Variants in ZNF391 observed in about 807,000 individuals in gnomAD.
The protein encoded by ZNF391 is zinc finger protein 391.
For missense variants in ZNF391, 375 were observed against 425.5 expected (o/e 0.88, Z 1.04); for synonymous variants, 126 against 142.1 (o/e 0.89, Z 0.80).
upstream of ZNF391, among the ~76,000 whole-genome samples, chr6:27,387,233 G>C (rs865970960): frequency 6.6e-6 from 1 of 152,206 alleles, no homozygotes; most frequent in Non-Finnish European, 1.5e-5. Context: ...TGGAGAACTA[G>C]AACCCTCCTG....
intron 1 of ZNF391, among the ~76,000 whole-genome samples, chr6:27,383,176 G>C (rs79968092): frequency 6.6e-6 from 1 of 151,450 alleles, no homozygotes; most frequent in South Asian, 2.1e-4. Flanking sequence ...TGAAAAAAGA[G>C]AATATTTAAG....
intron 1 of ZNF391, among the ~76,000 whole-genome samples, chr6:27,392,985 ACTACTTC>A: frequency 1.4e-5 from 1 of 71,256 alleles, no homozygotes; most frequent in Admixed American, 1.5e-4. Flanking sequence ...ATTTCTGGAG[ACTACTTC>A]CAAGTTAGAT....
In ZNF391 at chr6:27,400,944, C is replaced by T; in HGVS notation, c.574C>T (p.Pro192Ser). Residue 192 changes from proline (P) to serine (S), a missense_variant, in exon 3 of 3, where the codon CCA becomes TCA. Transcript: ENST00000244576. ...TCAGAGAATCCATACTGGAGAAAAA[C>T]CATATGAATGTAGTGAATGTGGAAA... ...LHQRIHTGEK[P>S]YECSECGKAF... 1 of 1,614,142 alleles carries T rather than the reference C, an allele frequency of 6.2e-7. No homozygotes were observed. Among genetic ancestry groups the T allele is most frequent in the Non-Finnish European group, 8.5e-7 (1 of 1,180,018 alleles).
chr6:27,377,080 T>A (rs1428572828), intron 1 of ZNF391, among the ~76,000 whole-genome samples: 1 of 152,038 alleles, frequency 6.6e-6, no homozygotes, highest in Non-Finnish European at 1.5e-5. Flanking sequence ...GAACTGAGAA[T>A]TAAGTACCTA....
upstream of ZNF391, among the ~76,000 whole-genome samples, chr6:27,387,664 A>T (rs192032777): frequency 2.1e-3 from 314 of 152,352 alleles, 2 homozygotes; most frequent in African/African-American, 7.1e-3. Flanking sequence ...TATTTTACTT[A>T]TATGGCATAT....
intron 1 of ZNF391, among the ~76,000 whole-genome samples, chr6:27,379,033 T>C (rs1474949814): frequency 1.3e-5 from 2 of 152,226 alleles, no homozygotes; most frequent in African/African-American, 4.8e-5. Flanking sequence ...GCTCTTGGTA[T>C]TTGTAACAAC....
chr6:27,380,151 G>A (rs1156888504), intron 1 of ZNF391, among the ~76,000 whole-genome samples: 1 of 152,248 alleles, frequency 6.6e-6, no homozygotes, highest in East Asian at 1.9e-4. Flanking sequence ...TAGTCAGGTA[G>A]AGTGATATGT....
At chr6:27,381,354 C>T (rs1490332944) in intron 1 of ZNF391, among the ~76,000 whole-genome samples, 3 of 152,186 alleles carry the variant, frequency 2.0e-5, no homozygotes, top group Non-Finnish European at 2.9e-5. Context: ...GCTCCGAGTG[C>T]GGGGCCCACC....
At chr6:27,392,699 G>T (rs1283228965) in intron 1 of ZNF391, among the ~76,000 whole-genome samples, 1 of 152,218 alleles carries the variant, frequency 6.6e-6, no homozygotes, top group Non-Finnish European at 1.5e-5. Flanking sequence ...GACATCAGTG[G>T]AGTTTAGTTT....
rs369504978 is a variant in ZNF391, at chr6:27,403,351, A to C, written c.*1904A>C. 1 of 152,058 alleles carries C rather than the reference A, an allele frequency of 6.6e-6. No homozygotes were observed. Among genetic ancestry groups the C allele is most frequent in the Non-Finnish European group, 1.5e-5 (1 of 68,014 alleles). The allele number at this position is 152,058 out of a possible 1,614,324, so 9.4% of individuals were successfully genotyped here. ...GTTCCTTGGCACTTCTACATGTCCT[A>C]CTTTCTTCGTTGTATTCCAGAAACC... On this transcript the variant is annotated 3_prime_UTR_variant, in exon 3 of 3. Coordinates refer to ENST00000244576, the MANE Select transcript of ZNF391 (RefSeq NM_001076781.3).
At chr6:27,393,724 G>A (rs1030250227) in intron 1 of ZNF391, among the ~76,000 whole-genome samples, 2 of 152,228 alleles carry the variant, frequency 1.3e-5, no homozygotes, top group South Asian at 4.1e-4. Flanking sequence ...TTAAATGTTT[G>A]TGACAAAAAT....
In ZNF391 at chr6:27,389,041, C is replaced by T. The variant is rs1403488111; in HGVS notation, c.-222C>T. 2.2e-6 allele frequency: 1 copy of T among 455,826 alleles called. No homozygotes were observed. The highest frequency in any genetic ancestry group is 4.4e-6 in the Non-Finnish European group (1 of 226,692). 28.2% of individuals were successfully genotyped at this position (455,826 alleles called of 1,614,324 possible). ...GTCGGGGGTACTCGGCCGGAGGCGG[C>T]CGGTGAGTGAGGCTTACAGGGCCCC... On this transcript the variant is annotated 5_prime_UTR_variant, in exon 1 of 3. Coordinates refer to ENST00000244576, the MANE Select transcript of ZNF391 (RefSeq NM_001076781.3).
Position 27,381,057 on chromosome 6 carries a change from C to T in ZNF391, n.523+5920C>T, listed in dbSNP as rs548305655. Among the ~76,000 whole-genome samples, 658 of 152,398 alleles carry T rather than the reference C, an allele frequency of 4.3e-3. 7 individuals carry two copies. Among genetic ancestry groups the T allele is most frequent in the Admixed American group, 0.012 (177 of 15,310 alleles). ...GTGGAGCTGCCTGCCAGTCCCGCGC[C>T]GTGCGCCCACACTCTTCAGCCCTTG... On this transcript the variant is annotated intron_variant and non_coding_transcript_variant, in intron 1 of 2. Coordinates refer to the ZNF391 transcript ENST00000477999.
chr6:27,378,989 A>G (rs367659791), intron 1 of ZNF391, among the ~76,000 whole-genome samples: 3 of 152,118 alleles, frequency 2.0e-5, no homozygotes, highest in African/African-American at 7.2e-5. Context: ...AGATTCTACA[A>G]TGAAAATTTA....
intron 1 of ZNF391, among the ~76,000 whole-genome samples, chr6:27,394,046 T>C (rs1761770518): frequency 6.6e-6 from 1 of 152,000 alleles, no homozygotes; most frequent in South Asian, 2.1e-4. Context: ...AAGCAGAGCA[T>C]AAAAGTTTGG....
In ZNF391 at chr6:27,400,836, CA is replaced by C; in HGVS notation, c.469del (p.Arg157GlufsTer80). 1 of 1,614,158 alleles carries C rather than the reference CA, an allele frequency of 6.2e-7. No individual in the cohort carries two copies. The highest frequency in any genetic ancestry group is 8.5e-7 in the Non-Finnish European group (1 of 1,180,026). On this transcript the variant is annotated frameshift_variant, in exon 3 of 3. Transcript: ENST00000244576. LOFTEE classifies it low-confidence loss of function (END_TRUNC). ...CCGAAGTACACACCTTATTGAACAT[CA>C]AAGAACTCACACTGGAGAGAAACCT... is the stretch of plus-strand genomic sequence containing the variant. The part of the protein sequence containing the change: ...FSRSTHLIEH[Q>X]RTHTGEKPYE...
In ZNF391 at chr6:27,401,398, G is replaced by A. The variant is rs754597843; in HGVS notation, c.1028G>A (p.Cys343Tyr). ...YKCNDCGKAFCQSSTLIRHQH... is the reference protein window; with the variant it reads ...YKCNDCGKAFYQSSTLIRHQH... ...TGTAATGACTGTGGAAAAGCCTTCTGTCAGAGTTCAACTCTGATCAGACAT... is the reference window on the plus strand; with the variant it reads ...TGTAATGACTGTGGAAAAGCCTTCTATCAGAGTTCAACTCTGATCAGACAT... The change falls in exon 3 of 3, where the codon TGT (cysteine) becomes TAT (tyrosine). Residue 343 changes from cysteine to tyrosine, a missense_variant. Physicochemically the swap from Cys to Tyr is radical, Grantham distance 194. Transcript: ENST00000244576. The A allele has an allele frequency of 7.4e-6, 12 of 1,612,702 alleles. No individual in the cohort carries two copies. Among genetic ancestry groups the A allele is most frequent in the Non-Finnish European group, 1.0e-5 (12 of 1,180,002 alleles).
chr6:27,398,499 A>T (rs1761876946), intron 1 of ZNF391, among the ~76,000 whole-genome samples: 1 of 152,174 alleles, frequency 6.6e-6, no homozygotes, highest in Non-Finnish European at 1.5e-5. Context: ...GAAAAACAAC[A>T]TTGTCAGTGT....
chr6:27,384,032 A>C (rs1171601383), upstream of ZNF391, among the ~76,000 whole-genome samples: 1 of 152,226 alleles, frequency 6.6e-6, no homozygotes, highest in Non-Finnish European at 1.5e-5. Context: ...TCAAAAGTTG[A>C]GGAAAAATAA....
Sources: gnomAD v4.1 joint callset for allele counts (sites outside exome capture counted in the v4.1 genomes callset) on GRCh38, gnomAD v4.1.1 for gene constraint, MANE v1.5 for transcripts, NCBI Gene and HGNC (gene_info 2026-07-23, HGNC 2026-07-21) for gene names.